ZNF544: variants seen among roughly 807,000 people sequenced by gnomAD.
ZNF544 encodes the protein zinc finger protein AF020591.
In ZNF544, 10 loss-of-function variants were observed where a neutral mutation model predicts 13.5. The observed-to-expected ratio is 0.74, with a 90% CI of 0.46 to 1.25. The LOEUF (loss-of-function observed/expected upper bound fraction) is 1.25, where lower values mean the gene tolerates loss of function less well. Among genes scored for constraint, ZNF544 ranks in the 50% most tolerant of loss-of-function variants. ZNF544 has a pLI of 0.00. For missense variants in ZNF544, 896 were observed against 845.6 expected (o/e 1.06, Z -0.74); for synonymous variants, 323 against 300.5 (o/e 1.07, Z -0.77).
At chr19:58,248,673 C>G (rs1277719332) in intron 6 of ZNF544, among the ~76,000 whole-genome samples, 1 of 152,162 alleles carries the variant, frequency 6.6e-6, no homozygotes, top group Middle Eastern at 3.2e-3. Flanking sequence ...TCCCTCATCC[C>G]CAGCCCCTGG....
intron 6 of ZNF544, among the ~76,000 whole-genome samples, chr19:58,255,128 T>C (rs1444775527): frequency 6.6e-6 from 1 of 151,784 alleles, no homozygotes; most frequent in Non-Finnish European, 1.5e-5. Context: ...GACCTCGTGA[T>C]CTACCCGCCT....
intron 5 of ZNF544, 61 bp from the exon 6 acceptor site, chr19:58,246,650 C>A: frequency 6.3e-7 from 1 of 1,587,496 alleles, no homozygotes. Context: ...GAAGCTTGGA[C>A]CCAGGACATG....
At chr19:58,260,347 G>A (rs1210507658) in intron 6 of ZNF544, 1 of 152,200 alleles carries the variant, frequency 6.6e-6, no homozygotes, top group African/African-American at 2.4e-5. Flanking sequence ...CCCGATCTTG[G>A]TTCACTGCAA....
At chr19:58,256,345 C>T (rs891852364) in intron 6 of ZNF544, among the ~76,000 whole-genome samples, 5 of 151,528 alleles carry the variant, frequency 3.3e-5, no homozygotes, top group African/African-American at 7.3e-5. Flanking sequence ...CACTTTGAGA[C>T]GAATTAAGAG....
At chr19:58,241,874 A>G (rs919669313) in intron 3 of ZNF544, among the ~76,000 whole-genome samples, 1 of 151,726 alleles carries the variant, frequency 6.6e-6, no homozygotes, top group Non-Finnish European at 1.5e-5. Context: ...AGTTCTTGGC[A>G]TTGCGTTGTC....
chr19:58,247,283 C>T (rs750649610), intron 6 of ZNF544: 4 of 153,066 alleles, frequency 2.6e-5, no homozygotes, highest in South Asian at 4.1e-4. Flanking sequence ...TTTTTTAAGA[C>T]GGAGTTTCGC....
At chr19:58,244,955 T>G (rs1487213267) in intron 4 of ZNF544, among the ~76,000 whole-genome samples, 1 of 142,408 alleles carries the variant, frequency 7.0e-6, no homozygotes, top group African/African-American at 2.6e-5. Context: ...TTAATCACCA[T>G]TTTTTTTTTT....
Position 58,243,999 on chromosome 19 carries a change from C to A in ZNF544, c.-25C>A. ...CTGAGGACCTCTGCCCTCTACACAG[C>A]GGCCTCTTCAGGTGCAGGGAGGAAA... On this transcript the variant is annotated 5_prime_UTR_variant, in exon 4 of 7. Coordinates refer to ENST00000687789, the MANE Select transcript of ZNF544 (RefSeq NM_014480.4). The A allele has an allele frequency of 6.2e-7, 1 of 1,603,514 alleles. No individual in the cohort carries two copies. Among genetic ancestry groups the A allele is most frequent in the Non-Finnish European group, 8.5e-7 (1 of 1,174,784 alleles).
chr19:58,234,315 T>C (rs1206489201), intron 3 of ZNF544, among the ~76,000 whole-genome samples: 3 of 152,226 alleles, frequency 2.0e-5, no homozygotes, highest in Non-Finnish European at 4.4e-5. Context: ...TTGGGGTGCC[T>C]CCCTTCCCTT....
At chr19:58,231,546 G>A (rs1042665605) in intron 3 of ZNF544, among the ~76,000 whole-genome samples, 1 of 152,078 alleles carries the variant, frequency 6.6e-6, no homozygotes, top group African/African-American at 2.4e-5. Context: ...ATAGGCCCCG[G>A]TGTGTTTTAA....
At chr19:58,237,861 G>A (rs769678937) in intron 3 of ZNF544, among the ~76,000 whole-genome samples, 10 of 152,222 alleles carry the variant, frequency 6.6e-5, no homozygotes, top group East Asian at 1.9e-4. Flanking sequence ...CTGAAAATGC[G>A]TCTGGAGGTG....
chr19:58,240,920 C>CT (rs1408779488), intron 3 of ZNF544, among the ~76,000 whole-genome samples: 1 of 150,518 alleles, frequency 6.6e-6, no homozygotes, highest in African/African-American at 2.5e-5. Flanking sequence ...TCATTTTTTT[C>CT]TTTTTCTTTT....
intron 6 of ZNF544, chr19:58,251,323 C>T (rs1490660403): frequency 1.9e-6 from 1 of 519,044 alleles, no homozygotes; most frequent in Non-Finnish European, 3.8e-6. Flanking sequence ...TCAGGTCTTT[C>T]ACAAGTCACA....
chr19:58,254,659 G>A (rs1366990970), intron 6 of ZNF544, among the ~76,000 whole-genome samples: 1 of 152,170 alleles, frequency 6.6e-6, no homozygotes, highest in Non-Finnish European at 1.5e-5. Context: ...ATGGTCTACT[G>A]TGAGCTTTCC....
At chr19:58,255,892 C>T (rs2047213425) in intron 6 of ZNF544, among the ~76,000 whole-genome samples, 1 of 152,226 alleles carries the variant, frequency 6.6e-6, no homozygotes, top group Non-Finnish European at 1.5e-5. Context: ...AGAGGGTGGC[C>T]CTGGCCAGCT....
At chr19:58,260,058 G>A (rs942535322) in intron 6 of ZNF544, among the ~76,000 whole-genome samples, 3 of 152,142 alleles carry the variant, frequency 2.0e-5, no homozygotes, top group Non-Finnish European at 2.9e-5. Flanking sequence ...TGATTGTGCT[G>A]TTATCCGGTC....
chr19:58,234,455 G>C (rs1568739798), intron 3 of ZNF544, among the ~76,000 whole-genome samples: 1 of 152,244 alleles, frequency 6.6e-6, no homozygotes, highest in Admixed American at 6.5e-5. Flanking sequence ...CCAGGGTTGT[G>C]CCCTTGCTGG....
rs1326249846 is a variant in ZNF544, at chr19:58,246,347, A to G, written c.80A>G (p.Glu27Gly). The G allele has an allele frequency of 2.5e-6, 4 of 1,613,938 alleles. No homozygotes were observed. The stretch of plus-strand genomic sequence containing the variant: ...GTGGCTATGGCATTCACACAGGAGG[A>G]GTGGGAACAGCTGGACCTGGCCCAG... ...EDVAMAFTQEEWEQLDLAQRT... is the reference protein window; with the variant it reads ...EDVAMAFTQEGWEQLDLAQRT... The change falls in exon 5 of 7, where the codon GAG becomes GGG. Residue 27 changes from glutamate (E) to glycine (G), a missense_variant. Physicochemically the swap from Glu to Gly is moderately conservative, Grantham distance 98. Coordinates refer to ENST00000687789, the MANE Select transcript of ZNF544 (RefSeq NM_014480.4).
At chr19:58,264,120 A>G (rs260465), downstream of ZNF544, 80,694 of 150,408 alleles carry the variant, frequency 0.54, 21,957 homozygotes, top group Middle Eastern at 0.65. Context: ...CAGGCCAGGC[A>G]CAATGGCTCA....
Sources: gnomAD v4.1 joint callset for allele counts (sites outside exome capture counted in the v4.1 genomes callset) on GRCh38, gnomAD v4.1.1 for gene constraint, MANE v1.5 for transcripts, NCBI Gene and HGNC (gene_info 2026-07-23, HGNC 2026-07-21) for gene names.